Variants in HPSE2 observed in about 807,000 individuals in gnomAD.
The protein encoded by HPSE2 is inactive heparanase-2.
HPSE2 carries 38 observed loss-of-function variants against 60.5 expected under a neutral mutation model. The ratio of observed to expected loss-of-function variants is 0.63; its 90% confidence interval spans 0.48 to 0.82. The LOEUF (loss-of-function observed/expected upper bound fraction) is 0.82, where lower values mean the gene tolerates loss of function less well. Among genes scored for constraint, HPSE2 ranks in the 40% least tolerant of loss-of-function variants. HPSE2 has a pLI of 0.00. For missense variants in HPSE2, 713 were observed against 740.4 expected (o/e 0.96, Z 0.43); for synonymous variants, 295 against 293.2 (o/e 1.01, Z -0.06).
intron 3 of HPSE2, among the ~76,000 whole-genome samples, chr10:99,117,417 G>GAAAAAAAAAAAAAAAAAAAAAAAAA (rs1157232317): frequency 5.6e-4 from 14 of 24,814 alleles, no homozygotes; most frequent in East Asian, 1.7e-3. Flanking sequence ...TTGTTTTTTT[G>GAAAAAAAAAAAAAAAAAAAAAAAAA]AAAAAAAAAA....
intron 3 of HPSE2, among the ~76,000 whole-genome samples, chr10:99,064,109 A>C (rs570912036): frequency 1.7e-4 from 26 of 152,200 alleles, no homozygotes; most frequent in Non-Finnish European, 3.4e-4. Flanking sequence ...AAAAACAAAA[A>C]ATAGAAAAAG....
At chr10:98,748,486 AG>A (rs1185938664) in intron 3 of HPSE2, among the ~76,000 whole-genome samples, 1 of 152,154 alleles carries the variant, frequency 6.6e-6, no homozygotes, top group Non-Finnish European at 1.5e-5. Context: ...CCTCCACCAG[AG>A]GGGGCCAATG....
intron 6 of HPSE2, among the ~76,000 whole-genome samples, chr10:98,676,642 G>A (rs946023722): frequency 2.0e-5 from 3 of 152,172 alleles, no homozygotes; most frequent in Admixed American, 1.3e-4. Context: ...GGCAGGGAGT[G>A]TAGAGGAGAG....
intron 2 of HPSE2, among the ~76,000 whole-genome samples, chr10:99,174,229 T>C (rs1475817258): frequency 1.3e-5 from 2 of 152,226 alleles, no homozygotes; most frequent in Non-Finnish European, 2.9e-5. Flanking sequence ...CCTTATCTTA[T>C]TTCTTCAGAC....
chr10:98,523,008 C>T (rs1942847755), intron 9 of HPSE2, among the ~76,000 whole-genome samples: 1 of 152,192 alleles, frequency 6.6e-6, no homozygotes, highest in Non-Finnish European at 1.5e-5. Flanking sequence ...TTCTGGGCTG[C>T]GGCTTAATTC....
chr10:98,841,046 C>T (rs571944795), intron 3 of HPSE2, among the ~76,000 whole-genome samples: 2 of 152,208 alleles, frequency 1.3e-5, no homozygotes, highest in East Asian at 3.9e-4. Flanking sequence ...TCACTTGAAG[C>T]CAGGAGTTGG....
At chr10:98,994,500 C>A (rs1446579229) in intron 3 of HPSE2, among the ~76,000 whole-genome samples, 1 of 152,160 alleles carries the variant, frequency 6.6e-6, no homozygotes, top group Non-Finnish European at 1.5e-5. Flanking sequence ...AGGCAAGTAG[C>A]TATGTGGCAT....
At chr10:98,646,327 T>C (rs1946769153) in intron 6 of HPSE2, among the ~76,000 whole-genome samples, 1 of 151,690 alleles carries the variant, frequency 6.6e-6, no homozygotes, top group Admixed American at 6.6e-5. Context: ...TTTTTCTTTT[T>C]TTTTTTTTAA....
intron 3 of HPSE2, among the ~76,000 whole-genome samples, chr10:99,028,693 A>C (rs1363722923): frequency 2.6e-5 from 4 of 152,234 alleles, no homozygotes; most frequent in African/African-American, 9.6e-5. Flanking sequence ...CCTAAGCAAA[A>C]AGAATAAAAT....
chr10:98,889,205 T>G, intron 3 of HPSE2, among the ~76,000 whole-genome samples: 1 of 152,066 alleles, frequency 6.6e-6, no homozygotes, highest in East Asian at 1.9e-4. Context: ...TAAACTTTAT[T>G]TATTTATTTA....
At chr10:98,819,465 T>A (rs540728559) in intron 3 of HPSE2, among the ~76,000 whole-genome samples, 1 of 149,052 alleles carries the variant, frequency 6.7e-6, no homozygotes. Context: ...CCCAGTTCAC[T>A]TACTTGGAAG....
At chr10:98,542,953 A>C (rs1221511198) in intron 9 of HPSE2, among the ~76,000 whole-genome samples, 2 of 152,056 alleles carry the variant, frequency 1.3e-5, no homozygotes, top group Non-Finnish European at 2.9e-5. Flanking sequence ...GCAGGCCAAC[A>C]TTCAGATTCA....
intron 5 of HPSE2, among the ~76,000 whole-genome samples, chr10:98,717,937 C>T (rs534299992): frequency 6.6e-5 from 10 of 152,120 alleles, no homozygotes; most frequent in Non-Finnish European, 4.4e-5. Flanking sequence ...AGGTTTTTCT[C>T]TGTTATTGGA....
At chr10:99,202,582 T>A (rs7893763) in intron 2 of HPSE2, among the ~76,000 whole-genome samples, 4,292 of 152,250 alleles carry the variant, frequency 0.028, 202 homozygotes, top group African/African-American at 0.098. Context: ...AATATGTATA[T>A]CTATTATGTA....
At chr10:99,199,110 C>T (rs1469671898) in intron 2 of HPSE2, among the ~76,000 whole-genome samples, 1 of 152,120 alleles carries the variant, frequency 6.6e-6, no homozygotes, top group Non-Finnish European at 1.5e-5. Context: ...TAGGTTGTTT[C>T]CACATCTTGA....
At chr10:98,757,519 G>C (rs1438895439) in intron 3 of HPSE2, among the ~76,000 whole-genome samples, 1 of 151,950 alleles carries the variant, frequency 6.6e-6, no homozygotes, top group Non-Finnish European at 1.5e-5. Context: ...AAAATCAGTA[G>C]GATTTCTATA....
chr10:98,931,481 A>AGT (rs1305866617), intron 3 of HPSE2, among the ~76,000 whole-genome samples: 1 of 142,838 alleles, frequency 7.0e-6, no homozygotes, highest in African/African-American at 2.8e-5. Context: ...TAAATTTTAA[A>AGT]AGTTTTTTCT....
At chr10:99,107,901 C>T (rs531880233) in intron 3 of HPSE2, among the ~76,000 whole-genome samples, 2 of 152,222 alleles carry the variant, frequency 1.3e-5, no homozygotes, top group Admixed American at 1.3e-4. Context: ...AAAGAGCATC[C>T]TATTATCCTT....
chr10:98,797,491 C>T (rs141659683), intron 3 of HPSE2, among the ~76,000 whole-genome samples: 29 of 152,070 alleles, frequency 1.9e-4, no homozygotes, highest in African/African-American at 3.1e-4. Flanking sequence ...ACAGGATCTA[C>T]GAAATAACCT....
Sources: allele counts gnomAD v4.1 joint callset (sites outside exome capture counted in the v4.1 genomes callset), GRCh38; gene constraint gnomAD v4.1.1; transcripts MANE v1.5; gene names NCBI Gene and HGNC (gene_info 2026-07-23, HGNC 2026-07-21).